Variants in SHQ1 observed in about 807,000 individuals in gnomAD.
The protein encoded by SHQ1 is SHQ1, H/ACA ribonucleoprotein assembly factor, also known as protein SHQ1 homolog.
SHQ1 carries 49 observed loss-of-function variants against 53.8 expected under a neutral mutation model. The ratio of observed to expected loss-of-function variants is 0.91; its 90% confidence interval spans 0.72 to 1.16. The LOEUF (loss-of-function observed/expected upper bound fraction) is 1.16, where lower values mean the gene tolerates loss of function less well. Ranked by LOEUF, SHQ1 falls within the 50% of genes most tolerant of loss-of-function variation. The probability of loss-of-function intolerance (pLI) is 0.00; values close to 1 mark genes in which losing one functional copy is unlikely to be tolerated. For synonymous variants in SHQ1, 243 were observed against 251.0 expected, an observed-to-expected ratio of 0.97 and a Z score of 0.30; for missense variants, 738 against 683.1, an observed-to-expected ratio of 1.08 and a Z score of -0.90.
At chr3:72,819,102 T>C (rs769253345) in intron 6 of SHQ1, among the ~76,000 whole-genome samples, 1 of 152,192 alleles carries the variant, frequency 6.6e-6, no homozygotes, top group Non-Finnish European at 1.5e-5. Context: ...AGATCATGAA[T>C]GTACACTGTG....
chr3:72,754,070 TACTG>T (rs1705447799), intron 10 of SHQ1, among the ~76,000 whole-genome samples: 2 of 152,316 alleles, frequency 1.3e-5, no homozygotes, highest in African/African-American at 4.8e-5. Context: ...GCTTTTACTT[TACTG>T]ACTATATATC....
At chr3:72,826,530 G>A (rs1230547501) in intron 5 of SHQ1, among the ~76,000 whole-genome samples, 1 of 152,210 alleles carries the variant, frequency 6.6e-6, no homozygotes. Flanking sequence ...TTCATGACAA[G>A]ACACAGACAG....
chr3:72,767,179 A>G (rs1410873908), intron 10 of SHQ1, among the ~76,000 whole-genome samples: 1 of 152,122 alleles, frequency 6.6e-6, no homozygotes, highest in African/African-American at 2.4e-5. Context: ...ATATGTACGA[A>G]CCCATCTGAT....
chr3:72,840,915 C>T (rs2106956113), intron 4 of SHQ1, 130 bp downstream of exon 4: 3 of 1,072,428 alleles, frequency 2.8e-6, no homozygotes, highest in Non-Finnish European at 2.7e-6. Flanking sequence ...TTTAGCTGTG[C>T]TAAGTGCTTT....
Position 72,848,415 on chromosome 3 carries a change from T to A in SHQ1, c.-75A>T. ...GTTCCCGCCACGCAAACTCTCCAACTCCCCACGCGCAGGAACTCTCGGTGT... is the reference window on the plus strand; with the variant it reads ...GTTCCCGCCACGCAAACTCTCCAACACCCCACGCGCAGGAACTCTCGGTGT... On this transcript the variant is annotated 5_prime_UTR_variant, in exon 1 of 11. Coordinates refer to ENST00000325599, the MANE Select transcript of SHQ1 (RefSeq NM_018130.3). 1.3e-6 allele frequency: 2 copies of A among 1,571,002 alleles called. No individual in the cohort carries two copies. Among genetic ancestry groups the A allele is most frequent in the East Asian group, 2.3e-5 (1 of 43,642 alleles).
At chr3:72,816,573 C>T (rs1037874929) in intron 7 of SHQ1, among the ~76,000 whole-genome samples, 1 of 152,018 alleles carries the variant, frequency 6.6e-6, no homozygotes, top group Non-Finnish European at 1.5e-5. Flanking sequence ...GGAAGTTTAG[C>T]TCTTCATTTA....
intron 4 of SHQ1, among the ~76,000 whole-genome samples, chr3:72,833,482 AT>A (rs1707891324): frequency 2.3e-5 from 2 of 86,792 alleles, no homozygotes; most frequent in African/African-American, 7.2e-5. Context: ...AGATAGATAG[AT>A]AGATAGATAG....
intron 5 of SHQ1, 61 bp from the exon 6 acceptor site, chr3:72,824,612 AT>A: frequency 6.5e-7 from 1 of 1,537,770 alleles, no homozygotes; most frequent in Non-Finnish European, 8.7e-7. Context: ...ACTTTTTAAC[AT>A]TTTATCTTAA....
intron 10 of SHQ1, chr3:72,773,220 A>G: frequency 1.4e-6 from 1 of 711,938 alleles, no homozygotes. Context: ...AGAGATAAAC[A>G]TCTTCAACGA....
At chr3:72,731,977 C>G in the SHQ1 span, among the ~76,000 whole-genome samples, 1 of 151,610 alleles carries the variant, frequency 6.6e-6, no homozygotes, top group South Asian at 2.1e-4. Flanking sequence ...ACTTCCCACC[C>G]CCATTCAGGC....
At chr3:72,841,814 C>G (rs1319218077) in intron 3 of SHQ1, among the ~76,000 whole-genome samples, 1 of 152,174 alleles carries the variant, frequency 6.6e-6, no homozygotes, top group Non-Finnish European at 1.5e-5. Flanking sequence ...CCTTCGCAGG[C>G]ACAGTTCACA....
At position 72,751,318 on chromosome 3, in the gene SHQ1, G is replaced by A. The variant is rs80212397; in HGVS notation, c.1182-482C>T. ...TCCCAGCCACTTGGGTGGAGGGGGG[G>A]CTGAGGCAGGAGAATCACTTGAATT... is the stretch of plus-strand genomic sequence containing the variant. On this transcript the variant is annotated intron_variant, in intron 10 of 10. Transcript: ENST00000325599. Among the ~76,000 whole-genome samples, 1,387 of 152,084 alleles carry A rather than the reference G, an allele frequency of 9.1e-3. 36 individuals are homozygous for A. The highest frequency in any genetic ancestry group is 0.031 in the African/African-American group (1,298 of 41,438).
intron 10 of SHQ1, chr3:72,772,777 G>C (rs868309651): frequency 4.0e-6 from 3 of 759,284 alleles, no homozygotes; most frequent in Non-Finnish European, 4.9e-6. Context: ...AAAAAGTCCT[G>C]ATGATGATCT....
chr3:72,807,279 A>G (rs1027029585), intron 9 of SHQ1, among the ~76,000 whole-genome samples: 2 of 152,132 alleles, frequency 1.3e-5, no homozygotes, highest in African/African-American at 4.8e-5. Flanking sequence ...TACAAATGCA[A>G]TTTTTCAAAA....
At chr3:72,751,539 T>TATATATAGATATAC (rs1456991894) in intron 10 of SHQ1, among the ~76,000 whole-genome samples, 1 of 120,160 alleles carries the variant, frequency 8.3e-6, no homozygotes, top group African/African-American at 3.7e-5. Flanking sequence ...TACATATACA[T>TATATATAGATATAC]ACACTAATAA....
chr3:72,814,202 T>C (rs1411229291), intron 8 of SHQ1, among the ~76,000 whole-genome samples: 1 of 152,222 alleles, frequency 6.6e-6, no homozygotes, highest in Non-Finnish European at 1.5e-5. Flanking sequence ...TGAATTTTCA[T>C]GTAGATTTTT....
chr3:72,726,590 G>T, the SHQ1 span, among the ~76,000 whole-genome samples: 1 of 152,140 alleles, frequency 6.6e-6, no homozygotes, highest in South Asian at 2.1e-4. Flanking sequence ...GACCTCAGGT[G>T]ATCTGCCCAC....
chr3:72,728,277 G>A, the SHQ1 span, among the ~76,000 whole-genome samples: 1 of 152,164 alleles, frequency 6.6e-6, no homozygotes, highest in African/African-American at 2.4e-5. Flanking sequence ...CTGGGTTGAT[G>A]GGGCTTCAGG....
downstream of SHQ1, among the ~76,000 whole-genome samples, chr3:72,748,971 G>GCACACA (rs34002344): frequency 8.0e-3 from 1,153 of 144,154 alleles, 12 homozygotes; most frequent in African/African-American, 0.026. Flanking sequence ...ACACGCACAC[G>GCACACA]CACACACACA....
Sources: allele counts gnomAD v4.1 joint callset (sites outside exome capture counted in the v4.1 genomes callset), GRCh38; gene constraint gnomAD v4.1.1; transcripts MANE v1.5; gene names NCBI Gene and HGNC (gene_info 2026-07-23, HGNC 2026-07-21).